SPINDOC: variants seen among roughly 807,000 people sequenced by gnomAD.
SPINDOC encodes spindlin interactor and repressor of chromatin-binding protein.
Under a neutral mutation model 30.7 loss-of-function variants are expected in SPINDOC, and 13 were observed. The observed-to-expected ratio is 0.42, with a 90% confidence interval of 0.28 to 0.67. SPINDOC has a LOEUF of 0.67. Among genes scored for constraint, SPINDOC ranks in the 30% least tolerant of loss-of-function variants. The pLI is 0.22. For synonymous variants in SPINDOC, 228 were observed against 211.4 expected (o/e 1.08, Z -0.68); for missense variants, 438 against 518.0 (o/e 0.85, Z 1.50).
At chr11:63,814,964 A>G (rs2015300519) in intron 1 of SPINDOC, among the ~76,000 whole-genome samples, 1 of 152,014 alleles carries the variant, frequency 6.6e-6, no homozygotes, top group South Asian at 2.1e-4. Context: ...CTGGACGTCT[A>G]CTTTAGGCTG....
At chr11:63,822,769 C>G in intron 5 of SPINDOC, 1 of 1,289,068 alleles carries the variant, frequency 7.8e-7, no homozygotes, top group South Asian at 1.2e-5. Flanking sequence ...TCTAATGGGT[C>G]TTCTGATTTC....
Position 63,818,939 on chromosome 11 carries a change from G to A in SPINDOC, c.871G>A (p.Asp291Asn), listed in dbSNP as rs972224361. The change falls in exon 5 of 6, where the codon GAC becomes AAC. Residue 291 changes from aspartate (D) to asparagine (N), a missense_variant. Asp to Asn is a conservative substitution (Grantham distance 23). Transcript: ENST00000294244. The surrounding 1 kb of genome is among the most constrained non-coding windows in gnomAD (Gnocchi z 5.3). ...HTQLRGPDSK[D>N]SPKDREVAEG... Reference sequence around the variant, plus strand: ...CCAGCTCAGGGGCCCAGACAGCAAGGACTCACCCAAAGACAGGGAAGTGGC... The same window carrying A: ...CCAGCTCAGGGGCCCAGACAGCAAGAACTCACCCAAAGACAGGGAAGTGGC... 3.1e-6 allele frequency: 5 copies of A among 1,614,172 alleles called. No individual in the cohort carries two copies. The highest frequency in any genetic ancestry group is 4.2e-6 in the Non-Finnish European group (5 of 1,180,046).
intron 5 of SPINDOC, among the ~76,000 whole-genome samples, chr11:63,823,962 C>T (rs2015593357): frequency 6.8e-6 from 1 of 147,992 alleles, no homozygotes; most frequent in African/African-American, 2.5e-5. Context: ...GGCTGGAGTG[C>T]AGTGGTGCAA....
chr11:63,813,792 C>G lies in SPINDOC; in HGVS notation c.106C>G (p.Arg36Gly), dbSNP rs760307951. The G allele has an allele frequency of 6.3e-7, 1 of 1,578,564 alleles. No homozygotes were observed. The highest frequency in any genetic ancestry group is 8.6e-7 in the Non-Finnish European group (1 of 1,163,660). The change falls in exon 1 of 6, where the codon CGG becomes GGG. Residue 36 changes from arginine to glycine, a missense_variant. This residue lies in a region of SPINDOC where 129 missense variants were observed against 152.7 expected (regional missense o/e 0.84). Transcript: ENST00000294244. ...EEAMVVAVIP[R>G]PEPMLRVTQQ... is the part of the protein sequence containing the mutation. ...GGCCATGGTGGTGGCCGTAATTCCG[C>G]GGCCCGAGCCGATGCTCAGAGGTGA...
At position 63,827,547 on chromosome 11, in the gene SPINDOC, C is replaced by T. The variant is rs904099943; in HGVS notation, c.*408C>T. 1 of 238,160 alleles carries T rather than the reference C, an allele frequency of 4.2e-6. No individual in the cohort carries two copies. The highest frequency in any genetic ancestry group is 2.2e-5 in the African/African-American group (1 of 45,516). 14.8% of individuals were successfully genotyped at this position (238,160 alleles called of 1,614,324 possible). On this transcript the variant is annotated 3_prime_UTR_variant, in exon 6 of 6. Transcript: ENST00000294244. The stretch of plus-strand genomic sequence containing the variant: ...CTACCTCGGGGGACACCTCTCCTCC[C>T]CACTTGTTCAGGCTTCTAAACCAGG...
intron 5 of SPINDOC, among the ~76,000 whole-genome samples, chr11:63,820,958 A>G (rs1289996608): frequency 1.3e-5 from 2 of 150,986 alleles, no homozygotes; most frequent in Non-Finnish European, 3.0e-5. Flanking sequence ...AGGCTGAGAC[A>G]GGAGGATTGT....
At chr11:63,826,267 G>C (rs1056209755) in intron 5 of SPINDOC, among the ~76,000 whole-genome samples, 5 of 152,148 alleles carry the variant, frequency 3.3e-5, no homozygotes, top group Non-Finnish European at 5.9e-5. Context: ...ACACGTCCCT[G>C]TTGCGTGCTC....
rs140639048 is a variant in SPINDOC, at chr11:63,819,371, C to G, written c.934+369C>G. 8.9e-3 allele frequency among the ~76,000 whole-genome samples: 1,356 copies of G among 151,942 alleles called. 20 individuals carry two copies. Among genetic ancestry groups the G allele is most frequent in the African/African-American group, 0.031 (1,292 of 41,404 alleles). On this transcript the variant is annotated intron_variant, in intron 5 of 5. Transcript: ENST00000294244. ...GATTACAGGCGTGCGCCACCATACC[C>G]GGCTAATTTTTGTATTTTTAGTAGA...
chr11:63,817,056 C>A (rs1395190222), intron 1 of SPINDOC, among the ~76,000 whole-genome samples: 3 of 152,134 alleles, frequency 2.0e-5, no homozygotes, highest in Non-Finnish European at 4.4e-5. Context: ...ATGCATCTAT[C>A]TGTAGCCCTA....
rs201963756 is a variant in SPINDOC at position 63,817,997 on chromosome 11, G to T, written c.320G>T (p.Arg107Leu). Reference sequence around the variant, plus strand: ...CGGGCACCCTCGGCCGACACAGCTCGCTCGCACATCTTGGAGCAGCACCCT... The same window carrying T: ...CGGGCACCCTCGGCCGACACAGCTCTCTCGCACATCTTGGAGCAGCACCCT... Reference protein sequence around the residue: ...EIRAPSADTARSHILEQHPHT... With the variant: ...EIRAPSADTALSHILEQHPHT... The change falls in exon 2 of 6, where the codon CGC becomes CTC. Residue 107 changes from arginine to leucine, a missense_variant. Physicochemically the swap from Arg to Leu is moderately radical, Grantham distance 102. Transcript: ENST00000294244. The T allele has an allele frequency of 2.5e-6, 4 of 1,614,158 alleles. No individual in the cohort carries two copies. Among genetic ancestry groups the T allele is most frequent in the Middle Eastern group, 1.6e-4 (1 of 6,062 alleles).
chr11:63,820,614 G>A (rs1019419402), intron 5 of SPINDOC, among the ~76,000 whole-genome samples: 3 of 151,156 alleles, frequency 2.0e-5, no homozygotes, highest in African/African-American at 7.3e-5. Context: ...ACATCGGGCC[G>A]GGCGCGGTGG....
At position 63,818,661 on chromosome 11, in the gene SPINDOC, G is replaced by T. The variant is rs1278777448; in HGVS notation, c.733+9G>T. The T allele has an allele frequency of 6.2e-7, 1 of 1,613,466 alleles. No individual in the cohort carries two copies. Among genetic ancestry groups the T allele is most frequent in the African/African-American group, 1.3e-5 (1 of 75,004 alleles). On this transcript the variant is annotated intron_variant, in intron 4 of 5. Transcript: ENST00000294244. This position sits in a 1 kb window ranked among gnomAD's most constrained non-coding sequence, Gnocchi z 5.3. ...CCTGGACCCTGACCCAGGTGAAGGG[G>T]AGGCCCGGGGGAGGCGTGGGCTCTG...
chr11:63,822,466 C>A, intron 5 of SPINDOC: 1 of 568,362 alleles, frequency 1.8e-6, no homozygotes, highest in Non-Finnish European at 3.0e-6. Context: ...GTGTTCACTG[C>A]TATACCACTC....
At chr11:63,820,666 C>T (rs1422032372) in intron 5 of SPINDOC, among the ~76,000 whole-genome samples, 9 of 150,974 alleles carry the variant, frequency 6.0e-5, no homozygotes, top group Non-Finnish European at 1.3e-4. Context: ...CTGAGACGGG[C>T]GGATCACGAG....
At chr11:63,814,794 C>G (rs1385463932) in intron 1 of SPINDOC, among the ~76,000 whole-genome samples, 1 of 152,134 alleles carries the variant, frequency 6.6e-6, no homozygotes, top group African/African-American at 2.4e-5. Context: ...AGCATTTAGT[C>G]CAAAAGATAG....
At position 63,818,560 on chromosome 11, in the gene SPINDOC, C is replaced by T. The variant is rs766446320; in HGVS notation, c.641C>T (p.Pro214Leu). Residue 214 changes from proline (P) to leucine (L), a missense_variant, in exon 4 of 6, where the codon CCC becomes CTC. By Grantham distance (98) the Pro-to-Leu change is moderately conservative (BLOSUM62 -3). Around this residue, in one of 3 missense-constraint regions of SPINDOC, gnomAD observed 300 missense variants for 332.8 expected, o/e 0.90. Coordinates refer to ENST00000294244, the MANE Select transcript of SPINDOC (RefSeq NM_138471.3). The surrounding 1 kb of genome is among the most constrained non-coding windows in gnomAD (Gnocchi z 5.3). The stretch of plus-strand genomic sequence containing the variant: ...GCCACAGAGCCAGGAAATAAGAAGC[C>T]CCGTGGTCAGAGATGGAAGGAACCC... ...VPATEPGNKKPRGQRWKEPPG... is the reference protein window; with the variant it reads ...VPATEPGNKKLRGQRWKEPPG... 3 of 1,613,330 alleles carry T rather than the reference C, an allele frequency of 1.9e-6. No homozygotes were observed. The highest frequency in any genetic ancestry group is 1.7e-5 in the Admixed American group (1 of 60,000).
intron 5 of SPINDOC, chr11:63,823,345 A>G (rs1409368997): frequency 8.5e-7 from 1 of 1,182,504 alleles, no homozygotes; most frequent in Non-Finnish European, 1.1e-6. Context: ...CTTTATTTAA[A>G]TAAAGATCCT....
At chr11:63,814,201 G>A (rs7118198) in intron 1 of SPINDOC, among the ~76,000 whole-genome samples, 2,183 of 151,920 alleles carry the variant, frequency 0.014, 45 homozygotes, top group African/African-American at 0.05. Flanking sequence ...CACAACGGCC[G>A]GGCTGTGTTC....
rs2015252175 is a variant in SPINDOC, at chr11:63,813,577, G to GGGCGGCGGGCCC, written c.-105_-94dup. 1.0e-6 allele frequency: 1 copy of GGGCGGCGGGCCC among 968,542 alleles called. No homozygotes were observed. The highest frequency in any genetic ancestry group is 1.3e-6 in the Non-Finnish European group (1 of 791,384). 60.0% of individuals were successfully genotyped at this position (968,542 alleles called of 1,614,324 possible). On this transcript the variant is annotated 5_prime_UTR_variant, in exon 1 of 6. Transcript: ENST00000294244. ...CGGCGGGGAGGGGGCTGCGCGGGGCGGGCGGCGGGCCCGGCGCTATTCCGG... is the reference window on the plus strand; with the variant it reads ...CGGCGGGGAGGGGGCTGCGCGGGGCGGGCGGCGGGCCCGGCGGCGGGCCCGGCGCTATTCCGG...
Sources: gnomAD v4.1 joint callset for allele counts (sites outside exome capture counted in the v4.1 genomes callset) on GRCh38, gnomAD v4.1.1 for gene constraint, gnomAD v4.1.1 regional missense constraint, Gnocchi (gnomAD v3.1) non-coding constraint, MANE v1.5 for transcripts, NCBI Gene and HGNC (gene_info 2026-07-23, HGNC 2026-07-21) for gene names.